Variants in ZNF423 observed in about 807,000 individuals in gnomAD.
ZNF423 encodes Ebf-associated zinc finger protein.
A neutral mutation model predicts 95.8 loss-of-function variants in ZNF423; 12 were observed. The observed-to-expected ratio is 0.13, with a 90% confidence interval of 0.08 to 0.20. The LOEUF (loss-of-function observed/expected upper bound fraction) is 0.20, where lower values mean the gene tolerates loss of function less well. Ranked by LOEUF, ZNF423 falls within the 10% of genes least tolerant of loss-of-function variation. The pLI is 1.00. For synonymous variants in ZNF423, 749 were observed against 711.9 expected (o/e 1.05, Z -0.83); for missense variants, 1,316 against 1,737.1 (o/e 0.76, Z 4.31).
intron 5 of ZNF423, among the ~76,000 whole-genome samples, chr16:49,572,969 A>C (rs1970396333): frequency 6.6e-6 from 1 of 152,232 alleles, no homozygotes; most frequent in Non-Finnish European, 1.5e-5. Flanking sequence ...TGCATAGTAC[A>C]TGTAGGCTCT....
At chr16:49,588,317 G>T (rs1970905182) in intron 5 of ZNF423, among the ~76,000 whole-genome samples, 1 of 152,162 alleles carries the variant, frequency 6.6e-6, no homozygotes, top group Admixed American at 6.5e-5. Context: ...CTTCCTCCCA[G>T]GGCACACTGG....
chr16:49,619,303 A>AT (rs1458978301), intron 5 of ZNF423, among the ~76,000 whole-genome samples: 1 of 152,220 alleles, frequency 6.6e-6, no homozygotes, highest in Non-Finnish European at 1.5e-5. Flanking sequence ...TTTACTGAAC[A>AT]TGAAGGTATG....
At chr16:49,768,097 G>T (rs934376429) in intron 2 of ZNF423, among the ~76,000 whole-genome samples, 9 of 152,120 alleles carry the variant, frequency 5.9e-5, no homozygotes, top group Non-Finnish European at 1.0e-4. Context: ...GCCCACTTCC[G>T]CAGGCTGGCT....
chr16:49,539,937 G>A (rs6500231), intron 5 of ZNF423, among the ~76,000 whole-genome samples: 55,289 of 152,092 alleles, frequency 0.36, 11,208 homozygotes, highest in African/African-American at 0.54. Flanking sequence ...TGTCTGTCCT[G>A]CCTCTGTCAT....
intron 5 of ZNF423, among the ~76,000 whole-genome samples, chr16:49,589,146 C>T (rs1208288283): frequency 6.6e-6 from 1 of 152,196 alleles, no homozygotes; most frequent in African/African-American, 2.4e-5. Context: ...TCACTGAAAC[C>T]CCTCTTCCCA....
At position 49,751,998 on chromosome 16, in the gene ZNF423, G is replaced by A. The variant is rs1027853865; in HGVS notation, c.101-21027C>T. 1.3e-5 allele frequency among the ~76,000 whole-genome samples: 2 copies of A among 152,160 alleles called. 1 individual carries two copies. The highest frequency in any genetic ancestry group is 2.9e-5 in the Non-Finnish European group (2 of 68,036). On this transcript the variant is annotated intron_variant, in intron 2 of 7. Coordinates refer to ENST00000563137, the MANE Select transcript of ZNF423 (RefSeq NM_001379286.1). The stretch of plus-strand genomic sequence containing the variant: ...GCCAAAACCCCACAGCAAGGAGGGA[G>A]CAAATGCAGAGCAGCAGCTCATCTC...
intron 7 of ZNF423, chr16:49,518,486 T>A (rs1405832850): frequency 4.6e-6 from 2 of 436,308 alleles, no homozygotes; most frequent in Non-Finnish European, 9.0e-6. Context: ...TCTGTCCCTA[T>A]CTCTGCATTC....
intron 5 of ZNF423, among the ~76,000 whole-genome samples, chr16:49,537,503 G>A (rs556454160): frequency 6.6e-6 from 1 of 152,168 alleles, no homozygotes; most frequent in African/African-American, 2.4e-5. Flanking sequence ...TGGAATAAAT[G>A]AATACATTCA....
intron 5 of ZNF423, among the ~76,000 whole-genome samples, chr16:49,573,616 C>T (rs1196044278): frequency 6.6e-6 from 1 of 152,152 alleles, no homozygotes; most frequent in East Asian, 1.9e-4. Context: ...TCTGGGCCTA[C>T]CCTGATGACA....
At chr16:49,500,520 G>A (rs1967353073) in intron 7 of ZNF423, among the ~76,000 whole-genome samples, 1 of 152,164 alleles carries the variant, frequency 6.6e-6, no homozygotes, top group African/African-American at 2.4e-5. Context: ...ACCCCTAAAA[G>A]ATGGGGCCCC....
At chr16:49,653,281 G>A (rs370826235) in intron 3 of ZNF423, among the ~76,000 whole-genome samples, 3 of 120,162 alleles carry the variant, frequency 2.5e-5, no homozygotes, top group South Asian at 2.7e-4. Flanking sequence ...CTGAACAGGC[G>A]CCTCATCTCC....
At chr16:49,760,526 T>C (rs1352405566) in intron 2 of ZNF423, among the ~76,000 whole-genome samples, 1 of 152,050 alleles carries the variant, frequency 6.6e-6, no homozygotes, top group Admixed American at 6.5e-5. Context: ...TATAAATGAA[T>C]GGGTGAAGAA....
intron 3 of ZNF423, among the ~76,000 whole-genome samples, chr16:49,648,438 T>TGGC (rs1596787647): frequency 6.9e-6 from 1 of 145,002 alleles, no homozygotes. Context: ...GGTCGGGAGT[T>TGGC]CGAGACCAGC....
intron 3 of ZNF423, among the ~76,000 whole-genome samples, chr16:49,639,759 G>A (rs1175419091): frequency 6.6e-6 from 1 of 152,198 alleles, no homozygotes; most frequent in Non-Finnish European, 1.5e-5. Flanking sequence ...GACAATCCTT[G>A]TACAGACTCC....
In ZNF423 at chr16:49,649,218, C is replaced by T. The variant is rs77618481; in HGVS notation, c.302-10344G>A. 8.6e-3 allele frequency among the ~76,000 whole-genome samples: 1,312 copies of T among 152,272 alleles called. 9 individuals are homozygous for T. The highest frequency in any genetic ancestry group is 0.014 in the Middle Eastern group (4 of 294). ...CAAGCCCAGAGGGTGGAGCCATGAG[C>T]CATAGTGGATGAGATCACTACTGGA... On this transcript the variant is annotated intron_variant, in intron 3 of 7. Coordinates refer to ENST00000563137, the MANE Select transcript of ZNF423 (RefSeq NM_001379286.1).
intron 5 of ZNF423, among the ~76,000 whole-genome samples, chr16:49,551,930 A>C (rs984013109): frequency 3.3e-5 from 5 of 152,180 alleles, no homozygotes; most frequent in Admixed American, 3.3e-4. Context: ...TTCCAACTCA[A>C]ATCTGTGGTT....
At position 49,635,793 on chromosome 16, in the gene ZNF423, A is replaced by T. The variant is rs1317707772; in HGVS notation, c.3383T>A (p.Leu1128His). Residue 1128 changes from leucine to histidine, a missense_variant, in exon 4 of 8, where the codon CTC becomes CAC. By Grantham distance (99) the Leu-to-His change is moderately conservative. Transcript: ENST00000563137. This position sits in a 1 kb window ranked among gnomAD's most constrained non-coding sequence, Gnocchi z 4.8. ...CTTGACACTGCACTCGGGGCAACGG[A>T]GGCCGGCACAGGGCCGGTCGGCGGG... Reference protein sequence around the residue: ...PEPADRPCAGLRCPECSVKFE... With the variant: ...PEPADRPCAGHRCPECSVKFE... 6.2e-7 allele frequency: 1 copy of T among 1,612,238 alleles called. No homozygotes were observed. Among genetic ancestry groups the T allele is most frequent in the South Asian group, 1.1e-5 (1 of 91,012 alleles).
chr16:49,519,042 T>G lies in ZNF423; in HGVS notation c.3849+4582A>C, dbSNP rs10048122. On this transcript the variant is annotated intron_variant, in intron 7 of 7. Coordinates refer to ENST00000563137, the MANE Select transcript of ZNF423 (RefSeq NM_001379286.1). The stretch of plus-strand genomic sequence containing the variant: ...TCACACTCCTGCACTCCAGCCTGGG[T>G]GACAGAGCCAGACCCTGTCACTTAA... 2.4e-3 allele frequency among the ~76,000 whole-genome samples: 363 copies of G among 152,220 alleles called. 1 individual carries two copies. The highest frequency in any genetic ancestry group is 8.5e-3 in the African/African-American group (354 of 41,524).
intron 3 of ZNF423, among the ~76,000 whole-genome samples, chr16:49,671,587 A>G (rs796387412): frequency 1.9e-4 from 29 of 152,348 alleles, no homozygotes; most frequent in African/African-American, 6.7e-4. Flanking sequence ...GAAATCCGGC[A>G]GTGCTGCTCT....
Sources: gnomAD v4.1 joint callset for allele counts (sites outside exome capture counted in the v4.1 genomes callset) on GRCh38, gnomAD v4.1.1 for gene constraint, Gnocchi (gnomAD v3.1) non-coding constraint, MANE v1.5 for transcripts, NCBI Gene and HGNC (gene_info 2026-07-23, HGNC 2026-07-21) for gene names.